The following RIGI variants were observed in gnomAD, a reference collection of about 807,000 sequenced individuals.
RIGI encodes the protein antiviral innate immune response receptor RIG-I.
chr9:32,523,358 C>A, the RIGI span, among the ~76,000 whole-genome samples: 1 of 152,192 alleles, frequency 6.6e-6, no homozygotes, highest in African/African-American at 2.4e-5. Flanking sequence ...ACCTGTGCAG[C>A]CAACAATCTG....
chr9:32,493,656 T>C, the RIGI span: 19 of 751,268 alleles, frequency 2.5e-5, no homozygotes, highest in African/African-American at 2.8e-4. Flanking sequence ...TGAGTACTTT[T>C]GTGGGTTTCA....
At chr9:32,492,758 A>C in the RIGI span, among the ~76,000 whole-genome samples, 3 of 152,186 alleles carry the variant, frequency 2.0e-5, no homozygotes, top group Admixed American at 6.5e-5. Context: ...CACTATGTCA[A>C]GCCAAGCCTT....
At chr9:32,476,924 A>G in the RIGI span, 3 of 1,450,222 alleles carry the variant, frequency 2.1e-6, no homozygotes, top group African/African-American at 4.3e-5. Context: ...ACCCAGCCCA[A>G]TCTTTTCAAT....
At chr9:32,485,164 A>T in the RIGI span, 3 of 1,577,136 alleles carry the variant, frequency 1.9e-6, no homozygotes, top group Non-Finnish European at 2.6e-6. Flanking sequence ...AAAATATGAG[A>T]TTTATCTCAC....
At chr9:32,489,559 AT>A in the RIGI span, 1 of 549,886 alleles carries the variant, frequency 1.8e-6, no homozygotes, top group Non-Finnish European at 3.1e-6. Flanking sequence ...GAAGATCCTC[AT>A]TGGAGAAAGT....
At chr9:32,482,081 A>G in the RIGI span, among the ~76,000 whole-genome samples, 3 of 152,250 alleles carry the variant, frequency 2.0e-5, no homozygotes, top group South Asian at 2.1e-4. Flanking sequence ...CCCCATTGAG[A>G]TAACACCACT....
At chr9:32,464,096 A>G in the RIGI span, among the ~76,000 whole-genome samples, 1 of 151,586 alleles carries the variant, frequency 6.6e-6, no homozygotes, top group East Asian at 2.0e-4. Context: ...ACACACAGAC[A>G]ATGGACAGTA....
At chr9:32,493,558 G>C in the RIGI span, among the ~76,000 whole-genome samples, 1 of 151,470 alleles carries the variant, frequency 6.6e-6, no homozygotes, top group African/African-American at 2.4e-5. Flanking sequence ...AGGAGGCGGA[G>C]GTTGCAATGA....
At chr9:32,474,231 A>C in the RIGI span, among the ~76,000 whole-genome samples, 1 of 147,006 alleles carries the variant, frequency 6.8e-6, no homozygotes, top group Non-Finnish European at 1.5e-5. Context: ...AAAAGGTTTT[A>C]AAGTACCATT....
At chr9:32,515,548 G>A in the RIGI span, among the ~76,000 whole-genome samples, 3 of 152,032 alleles carry the variant, frequency 2.0e-5, no homozygotes, top group Admixed American at 6.6e-5. Flanking sequence ...TGTATAGACT[G>A]GATTTGTGTG....
the RIGI span, chr9:32,498,450 C>A: frequency 3.2e-5 from 14 of 431,152 alleles, no homozygotes; most frequent in Non-Finnish European, 6.2e-5. Context: ...CGAGGCTACA[C>A]TTCCCAGCCT....
chr9:32,462,969 C>T, the RIGI span, among the ~76,000 whole-genome samples: 506 of 152,162 alleles, frequency 3.3e-3, 1 homozygote, highest in African/African-American at 0.011. Flanking sequence ...CCAGCCTGGG[C>T]GACATAGCAA....
the RIGI span, among the ~76,000 whole-genome samples, chr9:32,483,089 T>C: frequency 6.6e-6 from 1 of 152,036 alleles, no homozygotes; most frequent in African/African-American, 2.4e-5. Flanking sequence ...TGTAGGGTGC[T>C]GGGGATAAGA....
At chr9:32,508,588 C>T in the RIGI span, among the ~76,000 whole-genome samples, 8 of 151,862 alleles carry the variant, frequency 5.3e-5, no homozygotes, top group African/African-American at 1.9e-4. Context: ...GCTTTTCCCC[C>T]CAAGTCTTCG....
chr9:32,457,559 GA>G, the RIGI span: 12,666 of 584,844 alleles, frequency 0.022, no homozygotes, highest in South Asian at 0.033. Context: ...ACAATTGGAG[GA>G]AAAAAAAAAA....
chr9:32,492,552 C>G, the RIGI span: 1 of 1,613,854 alleles, frequency 6.2e-7, no homozygotes, highest in Admixed American at 1.7e-5. Context: ...AGCAAGGTAA[C>G]TGTAGTTTAT....
chr9:32,457,233 A>G, the RIGI span: 1 of 1,613,954 alleles, frequency 6.2e-7, no homozygotes, highest in African/African-American at 1.3e-5. Context: ...CAAAACTTTC[A>G]ATTTTTATAA....
At chr9:32,485,514 G>T in the RIGI span, 7 of 539,848 alleles carry the variant, frequency 1.3e-5, no homozygotes, top group Non-Finnish European at 2.4e-5. Flanking sequence ...CTTTCATGGT[G>T]TAGGTCTAAC....
the RIGI span, chr9:32,526,098 G>C: frequency 6.2e-7 from 1 of 1,613,984 alleles, no homozygotes. Flanking sequence ...TCAGGATGTA[G>C]GTAGGGTCCA....
Sources: gnomAD v4.1 joint callset for allele counts (sites outside exome capture counted in the v4.1 genomes callset) on GRCh38, gnomAD v4.1.1 for gene constraint, MANE v1.5 for transcripts, NCBI Gene and HGNC (gene_info 2026-07-23, HGNC 2026-07-21) for gene names.